Variants in CSMD1 observed in about 807,000 individuals in gnomAD.
CSMD1 encodes CUB and Sushi multiple domains 1, also known as CUB and sushi domain-containing protein 1.
A neutral mutation model predicts 417.5 loss-of-function variants in CSMD1; 213 were observed. That is an observed-to-expected ratio of 0.51 (90% CI 0.46 to 0.57). CSMD1 has a LOEUF of 0.57. Ranked by LOEUF, CSMD1 falls within the 20% of genes least tolerant of loss-of-function variation. The pLI is 0.00. For missense variants in CSMD1, 6,923 were observed against 4,529.7 expected (o/e 1.53, Z -15.17); for synonymous variants, 2,862 against 1,736.8 (o/e 1.65, Z -16.11).
intron 1 of CSMD1, among the ~76,000 whole-genome samples, chr8:4,891,333 C>A (rs1363275299): frequency 6.6e-6 from 1 of 152,132 alleles, no homozygotes; most frequent in East Asian, 1.9e-4. Flanking sequence ...ACTTGAAAGA[C>A]TGAAGTTTAT....
At chr8:3,221,825 G>T (rs570038964) in intron 28 of CSMD1, among the ~76,000 whole-genome samples, 3 of 151,972 alleles carry the variant, frequency 2.0e-5, no homozygotes, top group African/African-American at 4.8e-5. Context: ...AGCCCTGAAC[G>T]AGCCTGGGAG....
intron 8 of CSMD1, among the ~76,000 whole-genome samples, chr8:3,611,320 C>T (rs1448121763): frequency 9.9e-5 from 15 of 151,658 alleles, no homozygotes; most frequent in Middle Eastern, 3.4e-3. Flanking sequence ...CACTTGAATA[C>T]GTAATGTGTC....
Position 3,502,861 on chromosome 8 carries a change from G to C in CSMD1, c.1345-9135C>G, listed in dbSNP as rs530902245. Among the ~76,000 whole-genome samples the C allele has an allele frequency of 1.0e-3, 158 of 152,206 alleles. 1 individual carries two copies. The highest frequency in any genetic ancestry group is 3.4e-3 in the African/African-American group (143 of 41,544). Reference sequence around the variant, plus strand: ...AGCCCTAACGTGCACTATGGACTTTGGTAATTCAGCATGAATCAATGTTCA... The same window carrying C: ...AGCCCTAACGTGCACTATGGACTTTCGTAATTCAGCATGAATCAATGTTCA... On this transcript the variant is annotated intron_variant, in intron 10 of 69. Coordinates refer to ENST00000635120, the MANE Select transcript of CSMD1 (RefSeq NM_033225.6).
At chr8:3,124,127 T>A (rs968475729) in intron 41 of CSMD1, among the ~76,000 whole-genome samples, 4 of 152,072 alleles carry the variant, frequency 2.6e-5, no homozygotes, top group African/African-American at 9.7e-5. Context: ...AACAAAACAA[T>A]TATCCTGTGT....
rs1362779117 is a variant in CSMD1, at chr8:3,926,084, C to CAT, written c.818+71818_818+71819insAT. ...CACACACACACACACAAACACCATA[C>CAT]ACACACACACACACACACACACACA... On this transcript the variant is annotated intron_variant, in intron 5 of 69. Coordinates refer to ENST00000635120, the MANE Select transcript of CSMD1 (RefSeq NM_033225.6). Among the ~76,000 whole-genome samples the CAT allele has an allele frequency of 3.1e-4, 3 of 9,678 alleles. 1 individual carries two copies. Among genetic ancestry groups the CAT allele is most frequent in the African/African-American group, 1.4e-3 (3 of 2,138 alleles). The allele number at this position is 9,678 out of a possible 152,430, so 6.3% of individuals were successfully genotyped here. A position where few individuals can be genotyped will look rare whatever the true frequency, so the allele number is the denominator to read the frequency against.
At chr8:4,012,377 C>A (rs568622034) in intron 4 of CSMD1, among the ~76,000 whole-genome samples, 4 of 152,074 alleles carry the variant, frequency 2.6e-5, no homozygotes, top group African/African-American at 4.8e-5. Flanking sequence ...TCATTCATTG[C>A]CTTGTTGATC....
intron 3 of CSMD1, among the ~76,000 whole-genome samples, chr8:4,264,433 T>C (rs2128844901): frequency 6.6e-6 from 1 of 152,278 alleles, no homozygotes; most frequent in East Asian, 1.9e-4. Flanking sequence ...TCTAGTTTAA[T>C]AAAACAAATT....
At chr8:4,755,478 CATTT>C (rs1811608145) in intron 1 of CSMD1, among the ~76,000 whole-genome samples, 1 of 152,024 alleles carries the variant, frequency 6.6e-6, no homozygotes, top group South Asian at 2.1e-4. Context: ...CTATGATTGA[CATTT>C]ATTTTTGGCA....
chr8:3,657,538 C>G (rs1383933500), intron 7 of CSMD1, among the ~76,000 whole-genome samples: 1 of 152,046 alleles, frequency 6.6e-6, no homozygotes, highest in African/African-American at 2.4e-5. Context: ...AGTTCATGTC[C>G]TTTGCAGGGA....
chr8:3,001,877 G>A (rs942636669), intron 52 of CSMD1, among the ~76,000 whole-genome samples: 1 of 152,146 alleles, frequency 6.6e-6, no homozygotes, highest in East Asian at 1.9e-4. Flanking sequence ...ACTCCTTTGG[G>A]ATTAAGTATA....
At chr8:3,681,951 T>C (rs1197308300) in intron 7 of CSMD1, among the ~76,000 whole-genome samples, 1 of 152,234 alleles carries the variant, frequency 6.6e-6, no homozygotes, top group Non-Finnish European at 1.5e-5. Flanking sequence ...AAGGATTCCC[T>C]ATTCAACAAA....
chr8:4,865,360 G>A (rs1802367266), intron 1 of CSMD1, among the ~76,000 whole-genome samples: 1 of 151,326 alleles, frequency 6.6e-6, no homozygotes. Flanking sequence ...ATCAGCAACT[G>A]ACTTGTCATT....
At chr8:4,812,173 G>C (rs762022122) in intron 1 of CSMD1, among the ~76,000 whole-genome samples, 7 of 152,190 alleles carry the variant, frequency 4.6e-5, no homozygotes, top group Non-Finnish European at 7.3e-5. Context: ...TTCGTGTGCA[G>C]CGAGATAAAC....
intron 5 of CSMD1, among the ~76,000 whole-genome samples, chr8:3,793,323 G>A (rs1167697740): frequency 6.6e-6 from 1 of 152,116 alleles, no homozygotes; most frequent in African/African-American, 2.4e-5. Flanking sequence ...ATCTGTTTAT[G>A]CAGCTAGAAT....
chr8:3,986,666 A>C (rs973340513), intron 5 of CSMD1, among the ~76,000 whole-genome samples: 1 of 152,156 alleles, frequency 6.6e-6, no homozygotes, highest in Non-Finnish European at 1.5e-5. Flanking sequence ...ATGAGATATG[A>C]GGGACAGAGT....
intron 23 of CSMD1, among the ~76,000 whole-genome samples, chr8:3,325,213 T>G (rs992629465): frequency 2.4e-4 from 37 of 152,242 alleles, no homozygotes; most frequent in African/African-American, 8.7e-4. Context: ...GTCTCCAGGC[T>G]GTTTAACTTC....
intron 10 of CSMD1, among the ~76,000 whole-genome samples, chr8:3,567,002 A>G (rs1585381255): frequency 6.6e-6 from 1 of 152,256 alleles, no homozygotes; most frequent in African/African-American, 2.4e-5. Context: ...ACTATTGACA[A>G]TAGAAAATAC....
intron 3 of CSMD1, among the ~76,000 whole-genome samples, chr8:4,155,580 T>C (rs945559372): frequency 1.3e-5 from 2 of 152,180 alleles, no homozygotes; most frequent in African/African-American, 4.8e-5. Flanking sequence ...TATCTTTAAA[T>C]TGTGAGTCAT....
At chr8:4,161,221 C>G (rs1239916183) in intron 3 of CSMD1, among the ~76,000 whole-genome samples, 1 of 152,106 alleles carries the variant, frequency 6.6e-6, no homozygotes, top group Non-Finnish European at 1.5e-5. Flanking sequence ...ATGAACAACC[C>G]TCTAAAGCAA....
Sources: allele counts gnomAD v4.1 joint callset (sites outside exome capture counted in the v4.1 genomes callset), GRCh38; gene constraint gnomAD v4.1.1; transcripts MANE v1.5; gene names NCBI Gene and HGNC (gene_info 2026-07-23, HGNC 2026-07-21).